TMPRSS7: variants seen among roughly 807,000 people sequenced by gnomAD.
TMPRSS7 encodes transmembrane protease serine 7.
Under a neutral mutation model 95.6 loss-of-function variants are expected in TMPRSS7, and 81 were observed. That is an observed-to-expected ratio of 0.85 (90% CI 0.71 to 1.02). TMPRSS7 has a LOEUF of 1.02. TMPRSS7 is among the 50% of genes least tolerant of loss of function. The probability of loss-of-function intolerance (pLI) is 0.00; values close to 1 mark genes in which losing one functional copy is unlikely to be tolerated. For missense variants in TMPRSS7, 945 were observed against 955.2 expected (o/e 0.99, Z 0.14); for synonymous variants, 364 against 337.8 (o/e 1.08, Z -0.85).
At chr3:112,072,689 C>T (rs933292281) in intron 13 of TMPRSS7, among the ~76,000 whole-genome samples, 8 of 152,248 alleles carry the variant, frequency 5.3e-5, no homozygotes, top group Non-Finnish European at 1.0e-4. Flanking sequence ...GGACGCCCCT[C>T]CCTCAGCCAG....
rs371394248 is a variant in TMPRSS7, at chr3:112,057,092, A to G, written c.1271A>G (p.Lys424Arg). 3 of 1,613,394 alleles carry G rather than the reference A, an allele frequency of 1.9e-6. No homozygotes were observed. In the African/African-American group the frequency reaches 4.0e-5, roughly 22 times the overall value. ...TATTCAATAACCAAGAAGAGTATGA[A>G]AGGCTGTGAGCATGGATGGTGGGAA... Residue 424 changes from lysine (K) to arginine (R), a missense_variant, in exon 10 of 18, where the codon AAA (lysine) becomes AGA (arginine). Physicochemically the swap from Lys to Arg is conservative, Grantham distance 26. Coordinates refer to ENST00000452346, the Ensembl canonical transcript of TMPRSS7.
chr3:112,058,014 C>T (rs940046473), intron 10 of TMPRSS7, among the ~76,000 whole-genome samples: 2 of 152,196 alleles, frequency 1.3e-5, no homozygotes, highest in Admixed American at 1.3e-4. Context: ...GCATGAGCCA[C>T]CACACCCAGC....
intron 10 of TMPRSS7, among the ~76,000 whole-genome samples, chr3:112,061,360 C>G (rs1337975915): frequency 6.6e-6 from 1 of 152,132 alleles, no homozygotes; most frequent in African/African-American, 2.4e-5. Context: ...ATAATGTTGT[C>G]TTTTGCTTTT....
chr3:112,057,836 C>T (rs1227419415), intron 10 of TMPRSS7, among the ~76,000 whole-genome samples: 1 of 152,136 alleles, frequency 6.6e-6, no homozygotes, highest in East Asian at 1.9e-4. Flanking sequence ...AGCAATTCTC[C>T]TGCCTCAGCC....
intron 13 of TMPRSS7, among the ~76,000 whole-genome samples, chr3:112,071,201 A>G (rs1333293118): frequency 1.3e-5 from 2 of 152,128 alleles, no homozygotes; most frequent in African/African-American, 4.8e-5. Flanking sequence ...TCCTTCACTT[A>G]TGAAGCTTAG....
intron 15 of TMPRSS7, 72 bp from the exon 16 acceptor site, chr3:112,076,804 T>C: frequency 1.3e-6 from 2 of 1,550,670 alleles, no homozygotes; most frequent in Non-Finnish European, 1.8e-6. Flanking sequence ...CTCAACTCTT[T>C]AGAGTGCTTG....
At chr3:112,059,140 G>C (rs1179259061) in intron 10 of TMPRSS7, among the ~76,000 whole-genome samples, 1 of 152,112 alleles carries the variant, frequency 6.6e-6, no homozygotes, top group Non-Finnish European at 1.5e-5. Context: ...CTGGACTACG[G>C]TATATGAACC....
chr3:112,076,828 T>G (rs2073714875), intron 15 of TMPRSS7, 48 bp from the exon 16 acceptor site: 2 of 1,589,156 alleles, frequency 1.3e-6, no homozygotes, highest in Non-Finnish European at 1.7e-6. Flanking sequence ...GCAAACTGTA[T>G]GTGGTTCTTT....
chr3:112,049,945 G>C (rs759325606), exon 8 of TMPRSS7: 6 of 1,573,044 alleles, frequency 3.8e-6, no homozygotes, highest in Non-Finnish European at 5.2e-6. Context: ...TCAGGAATCC[G>C]GGCATATTTT....
At chr3:112,071,832 T>C (rs1209270954) in intron 13 of TMPRSS7, among the ~76,000 whole-genome samples, 4 of 152,240 alleles carry the variant, frequency 2.6e-5, no homozygotes, top group Admixed American at 2.6e-4. Context: ...CTGTTTATTC[T>C]AGTTAGCCAT....
At chr3:112,076,964 G>A in exon 16 of TMPRSS7, 1 of 1,614,192 alleles carries the variant, frequency 6.2e-7, no homozygotes, top group African/African-American at 1.3e-5. Flanking sequence ...AAGAATTGTG[G>A]TCCACGAGTA....
At chr3:112,079,351 A>T (rs2073750758) in intron 17 of TMPRSS7, among the ~76,000 whole-genome samples, 1 of 152,182 alleles carries the variant, frequency 6.6e-6, no homozygotes, top group South Asian at 2.1e-4. Context: ...TTGGGGTGAC[A>T]TTTCTCGGAG....
At chr3:112,048,952 C>T (rs2073312870) in intron 7 of TMPRSS7, among the ~76,000 whole-genome samples, 1 of 152,092 alleles carries the variant, frequency 6.6e-6, no homozygotes, top group Admixed American at 6.5e-5. Flanking sequence ...AAAGCTGATT[C>T]AAGGGGAAAC....
At chr3:112,069,251 A>T (rs1263483537) in intron 13 of TMPRSS7, among the ~76,000 whole-genome samples, 1 of 152,214 alleles carries the variant, frequency 6.6e-6, no homozygotes, top group Non-Finnish European at 1.5e-5. Context: ...GGATTTTTGC[A>T]TCAATGTTCA....
intron 9 of TMPRSS7, among the ~76,000 whole-genome samples, chr3:112,052,939 T>A (rs1287353869): frequency 6.6e-6 from 1 of 150,886 alleles, no homozygotes; most frequent in African/African-American, 2.4e-5. Context: ...AAAAAAAAAG[T>A]CTTTAGAAGG....
intron 7 of TMPRSS7, 28 bp from the exon 8 acceptor site, chr3:112,049,816 G>A (rs1418342043): frequency 1.3e-6 from 2 of 1,498,426 alleles, no homozygotes; most frequent in Middle Eastern, 1.8e-4. Flanking sequence ...TATTATTCAT[G>A]TACTTTTGTT....
intron 9 of TMPRSS7, among the ~76,000 whole-genome samples, chr3:112,052,746 T>C (rs912695790): frequency 3.9e-5 from 6 of 152,246 alleles, no homozygotes; most frequent in Non-Finnish European, 8.8e-5. Context: ...AGTGCCATTC[T>C]CAAAAGCTCT....
chr3:112,034,945 C>A (rs1346059719), intron 1 of TMPRSS7, 52 bp downstream of exon 1: 3 of 701,128 alleles, frequency 4.3e-6, no homozygotes, highest in South Asian at 1.5e-5. Context: ...TTATTGTTGA[C>A]CCTGTTAGTA....
At chr3:112,049,063 G>A (rs1426861914) in intron 7 of TMPRSS7, among the ~76,000 whole-genome samples, 1 of 152,152 alleles carries the variant, frequency 6.6e-6, no homozygotes, top group Non-Finnish European at 1.5e-5. Context: ...TGCCGCTTCC[G>A]CCACGTCTCA....
Sources: gnomAD v4.1 joint callset for allele counts (sites outside exome capture counted in the v4.1 genomes callset) on GRCh38, gnomAD v4.1.1 for gene constraint, MANE v1.5 for transcripts, NCBI Gene and HGNC (gene_info 2026-07-23, HGNC 2026-07-21) for gene names.